The following CTSB variants were observed in gnomAD, a reference collection of about 807,000 sequenced individuals.
The protein encoded by CTSB is cathepsin B, also known as APP secretase.
Under a neutral mutation model 44.3 loss-of-function variants are expected in CTSB, and 57 were observed. That is an observed-to-expected ratio of 1.29 (90% CI 1.04 to 1.60). The LOEUF (loss-of-function observed/expected upper bound fraction) is 1.60. Among genes scored for constraint, CTSB ranks in the 40% most tolerant of loss-of-function variants. The pLI is 0.00. For missense variants in CTSB, 768 were observed against 443.0 expected (o/e 1.73, Z -6.59); for synonymous variants, 320 against 168.0 (o/e 1.91, Z -7.00).
intron 1 of CTSB, among the ~76,000 whole-genome samples, chr8:11,859,577 C>T (rs1013097405): frequency 2.0e-5 from 3 of 150,500 alleles, no homozygotes; most frequent in East Asian, 2.0e-4. Flanking sequence ...CCTGTCTCTA[C>T]TAAACAAGGT....
rs201719073 is a variant in CTSB at position 11,847,105 on chromosome 8, C to T, written c.740G>A (p.Gly247Asp). ...KDIMAEIYKN[G>D]PVEGAFSVYS... ...CACAGAGAAAGCTCCCTCCACGGGG[C>T]CGTTTTTGTAGATCTCGGCCATGAT... Residue 247 changes from glycine to aspartate, a missense_variant, in exon 8 of 10, where the codon GGC (glycine) becomes GAC (aspartate). Transcript: ENST00000353047. 1 of 1,612,854 alleles carries T rather than the reference C, an allele frequency of 6.2e-7. No individual in the cohort carries two copies. Among genetic ancestry groups the T allele is most frequent in the Admixed American group, 1.7e-5 (1 of 59,978 alleles).
chr8:11,848,986 G>T (rs567541253), intron 5 of CTSB, 60 bp downstream of exon 5: 8 of 1,298,944 alleles, frequency 6.2e-6, no homozygotes, highest in Non-Finnish European at 7.8e-6. Flanking sequence ...CCTCCACTGA[G>T]AAGCTGGGGC....
chr8:11,863,313 G>C (rs1007399370), intron 1 of CTSB, among the ~76,000 whole-genome samples: 2 of 152,002 alleles, frequency 1.3e-5, no homozygotes, highest in African/African-American at 2.4e-5. Context: ...ACAAAAATTA[G>C]CTGGGCGTGG....
rs1195997020 is a variant in CTSB at position 11,847,772 on chromosome 8, G to T, written c.583C>A (p.Arg195=). The change falls in exon 7 of 10, where the codon CGG becomes AGG. Residue 195 remains arginine, a synonymous_variant. Transcript: ENST00000353047. ...PPCEHHVNGS[R]PPCTGEGDTP... is the part of the protein sequence containing the mutation. ...TCTCCCTCCCCCGTGCATGGGGGCC[G>T]GGAGCCGTTGACGTGGTGCTCACAG... 6.9e-6 allele frequency: 11 copies of T among 1,599,452 alleles called. 1 individual carries two copies. The highest frequency in any genetic ancestry group is 9.4e-6 in the Non-Finnish European group (11 of 1,175,800).
intron 4 of CTSB, 191 bp downstream of exon 4, chr8:11,850,675 G>T: frequency 2.1e-6 from 1 of 475,492 alleles, no homozygotes; most frequent in South Asian, 3.0e-5. Flanking sequence ...TGCTCTGCCC[G>T]CCACTCCACC....
In CTSB at chr8:11,842,994, G is replaced by A. The variant is rs547964464; in HGVS notation, c.*2131C>T. The A allele has an allele frequency of 2.1e-5, 3 of 141,606 alleles. No homozygotes were observed. Among genetic ancestry groups the A allele is most frequent in the East Asian group, 4.1e-4 (2 of 4,862 alleles). 8.8% of individuals were successfully genotyped at this position (141,606 alleles called of 1,614,324 possible). A position where few individuals can be genotyped will look rare whatever the true frequency, so the allele number is the denominator to read the frequency against. ...GACGGAGCCTTGCGCTGTCACCGAG[G>A]CTGGAGTGCACTGGCACTGTCTTGG... On this transcript the variant is annotated 3_prime_UTR_variant, in exon 10 of 10. Coordinates refer to ENST00000353047, the MANE Select transcript of CTSB (RefSeq NM_001908.5).
rs754067970 is a variant in CTSB, at chr8:11,848,162, C to T, written c.447-10G>A. ...ATAGCCACCATTACAGCTGAAAAGA[C>T]AGCCTCTAATGAAAACCTCTGAGAG... On this transcript the variant is annotated splice_polypyrimidine_tract_variant and intron_variant, in intron 5 of 9. Transcript: ENST00000353047. 1.9e-6 allele frequency: 3 copies of T among 1,612,542 alleles called. No individual in the cohort carries two copies. Among genetic ancestry groups the T allele is most frequent in the African/African-American group, 1.3e-5 (1 of 74,880 alleles).
chr8:11,849,542 G>A (rs183422102), intron 4 of CTSB: 54 of 171,768 alleles, frequency 3.1e-4, no homozygotes, highest in Non-Finnish European at 5.4e-4. Context: ...TCTGAAATCT[G>A]CAAAATGTGT....
chr8:11,866,495 CTG>C (rs1378741573), intron 1 of CTSB, among the ~76,000 whole-genome samples: 1 of 152,250 alleles, frequency 6.6e-6, no homozygotes, highest in Non-Finnish European at 1.5e-5. Context: ...ACGTTTGACT[CTG>C]TCTTTGGGAA....
chr8:11,851,242 T>A (rs1470958068), intron 3 of CTSB, among the ~76,000 whole-genome samples: 4 of 151,944 alleles, frequency 2.6e-5, no homozygotes, highest in African/African-American at 7.3e-5. Context: ...CAGGCTGGAG[T>A]GCAGTGGCGA....
chr8:11,849,222 C>T (rs1296320923), intron 4 of CTSB, 58 bp from the exon 5 acceptor site: 2 of 1,442,280 alleles, frequency 1.4e-6, no homozygotes, highest in African/African-American at 2.8e-5. Context: ...CCCTCTGCAG[C>T]AGTCCCCTCA....
chr8:11,862,737 G>A (rs531930072), intron 1 of CTSB, among the ~76,000 whole-genome samples: 61 of 152,372 alleles, frequency 4.0e-4, no homozygotes, highest in Admixed American at 7.2e-4. Flanking sequence ...GTGACTGTGT[G>A]TGTGCACATT....
Position 11,843,907 on chromosome 8 carries a change from CT to C in CTSB, c.*1217del, listed in dbSNP as rs1428960875. 1 of 152,232 alleles carries C rather than the reference CT, an allele frequency of 6.6e-6. No individual in the cohort carries two copies. The highest frequency in any genetic ancestry group is 1.5e-5 in the Non-Finnish European group (1 of 68,062). 9.4% of individuals were successfully genotyped at this position (152,232 alleles called of 1,614,324 possible). A position where few individuals can be genotyped will look rare whatever the true frequency, so the allele number is the denominator to read the frequency against. On this transcript the variant is annotated 3_prime_UTR_variant, in exon 10 of 10. Coordinates refer to ENST00000353047, the MANE Select transcript of CTSB (RefSeq NM_001908.5). ...ATTACCCAGGCATATTGGTGAGTGC[CT>C]GTCATCCCAGCTACTCGGAAGGCTG...
rs1299622176 is a variant in CTSB, at chr8:11,847,153, CTGTAGGAAT to C, written c.683_691del (p.Asn228_Tyr230del). ...GATGTCCTTCTCGCTATTGGAGACGCTGTAGGAATTGTATCCTGGAAAATGAACCGAGCT... is the reference window on the plus strand; with the variant it reads ...GATGTCCTTCTCGCTATTGGAGACGCTGTATCCTGGAAAATGAACCGAGCT... On this transcript the variant is annotated inframe_deletion, in exon 8 of 10. Transcript: ENST00000353047. The C allele has an allele frequency of 6.2e-7, 1 of 1,611,812 alleles. No individual in the cohort carries two copies. Among genetic ancestry groups the C allele is most frequent in the Non-Finnish European group, 8.5e-7 (1 of 1,177,980 alleles).
intron 1 of CTSB, among the ~76,000 whole-genome samples, chr8:11,866,186 C>A (rs1156647838): frequency 6.6e-6 from 1 of 152,206 alleles, no homozygotes; most frequent in African/African-American, 2.4e-5. Context: ...TCTCTTCCAA[C>A]TCCCAGGTCC....
At chr8:11,847,584 G>A in intron 7 of CTSB, 95 bp downstream of exon 7, 6 of 1,368,272 alleles carry the variant, frequency 4.4e-6, no homozygotes, top group South Asian at 3.2e-5. Context: ...GGACCCCAAG[G>A]CTCCTCAGCC....
chr8:11,845,936 T>A, intron 8 of CTSB, 147 bp from the exon 9 acceptor site: 1 of 877,674 alleles, frequency 1.1e-6, no homozygotes, highest in African/African-American at 1.7e-5. Context: ...CCAGGGGGGG[T>A]CCCACAATAC....
In CTSB at chr8:11,852,691, C is replaced by G; in HGVS notation, c.131G>C (p.Gly44Ala). ...CATGTCCACGTTGTAGAAGTTGTGC[C>G]CGGCCTGGAAGAGAGTCACCCACTG... is the stretch of plus-strand genomic sequence containing the variant. ...VNKRNTTWQA[G>A]HNFYNVDMSY... The change falls in exon 3 of 10, where the codon GGG becomes GCG. Residue 44 changes from glycine to alanine, a missense_variant. Gly to Ala is a moderately conservative substitution (Grantham distance 60). Transcript: ENST00000353047. 6.2e-7 allele frequency: 1 copy of G among 1,613,956 alleles called. No individual in the cohort carries two copies. Among genetic ancestry groups the G allele is most frequent in the South Asian group, 1.1e-5 (1 of 91,084 alleles).
intron 1 of CTSB, among the ~76,000 whole-genome samples, chr8:11,859,977 C>T (rs1044903219): frequency 6.6e-6 from 1 of 151,116 alleles, no homozygotes; most frequent in Admixed American, 6.6e-5. Flanking sequence ...GAAGCTGAGG[C>T]AGGAAAATTG....
Sources: gnomAD v4.1 joint callset for allele counts (sites outside exome capture counted in the v4.1 genomes callset) on GRCh38, gnomAD v4.1.1 for gene constraint, MANE v1.5 for transcripts, NCBI Gene and HGNC (gene_info 2026-07-23, HGNC 2026-07-21) for gene names.